Variants in SPIN1 observed in about 807,000 individuals in gnomAD.
SPIN1 encodes spindlin-1.
Under a neutral mutation model 26.0 loss-of-function variants are expected in SPIN1, and 3 were observed. The observed-to-expected ratio is 0.12, with a 90% CI of 0.05 to 0.30. The LOEUF (loss-of-function observed/expected upper bound fraction) is 0.30, where lower values mean the gene tolerates loss of function less well. SPIN1 is among the 10% of genes least tolerant of loss of function. SPIN1 has a pLI of 1.00. For missense variants in SPIN1, 126 were observed against 333.4 expected (o/e 0.38, Z 4.84); for synonymous variants, 101 against 116.5 (o/e 0.87, Z 0.86).
At chr9:88,429,312 C>T (rs1827819609) in intron 2 of SPIN1, among the ~76,000 whole-genome samples, 1 of 152,140 alleles carries the variant, frequency 6.6e-6, no homozygotes, top group East Asian at 1.9e-4. Context: ...ATACTGTCCA[C>T]CTAGAGACAG....
chr9:88,411,264 C>T (rs1170819322), intron 1 of SPIN1: 10 of 1,160,490 alleles, frequency 8.6e-6, no homozygotes, highest in Non-Finnish European at 1.3e-6. Flanking sequence ...GCATCCTCCA[C>T]CTCCACAGTG....
intron 1 of SPIN1, among the ~76,000 whole-genome samples, chr9:88,417,093 GGTT>G (rs1164618225): frequency 1.3e-5 from 2 of 152,170 alleles, no homozygotes; most frequent in African/African-American, 4.8e-5. Flanking sequence ...GTTAAAGTAA[GGTT>G]GTTATTCTTT....
At chr9:88,454,160 G>C (rs1376249221) in intron 3 of SPIN1, among the ~76,000 whole-genome samples, 2 of 152,106 alleles carry the variant, frequency 1.3e-5, no homozygotes, top group Admixed American at 1.3e-4. Flanking sequence ...TTACAGTATT[G>C]CTCTGTGAGG....
rs1358146798 is a variant in SPIN1 at position 88,475,079 on chromosome 9, T to C, written c.591T>C (p.Asn197=). The change falls in exon 6 of 6, where the codon AAT becomes AAC. Residue 197 remains asparagine, a splice_region_variant and synonymous_variant. Transcript: ENST00000375859. ...EGDLRIMPDS[N]DSPPAEREPG... is the part of the protein sequence containing the mutation. ...TTTTTTTTTTTTTTTTTAATATAGA[T>C]GATTCACCTCCAGCAGAAAGGGAAC... The C allele has an allele frequency of 6.6e-7, 1 of 1,513,236 alleles. No homozygotes were observed. Among genetic ancestry groups the C allele is most frequent in the Non-Finnish European group, 8.9e-7 (1 of 1,121,928 alleles). The allele number at this position is 1,513,236 out of a possible 1,614,324, so 93.7% of individuals were successfully genotyped here.
rs1228708121 is a variant in SPIN1, at chr9:88,477,460, A to G, written c.*2183A>G. 6.6e-6 allele frequency: 1 copy of G among 152,236 alleles called. No homozygotes were observed. The highest frequency in any genetic ancestry group is 2.4e-5 in the African/African-American group (1 of 41,458). 9.4% of individuals were successfully genotyped at this position (152,236 alleles called of 1,614,324 possible). A position where few individuals can be genotyped will look rare whatever the true frequency, so the allele number is the denominator to read the frequency against. On this transcript the variant is annotated 3_prime_UTR_variant, in exon 6 of 6. Transcript: ENST00000375859. ...GGTCTCCCAGTTTCTAGATGAATGC[A>G]ACATGATGATGGTGATGATGACGAT...
At chr9:88,390,558 T>G (rs1826897543) in intron 1 of SPIN1, among the ~76,000 whole-genome samples, 1 of 152,250 alleles carries the variant, frequency 6.6e-6, no homozygotes, top group Non-Finnish European at 1.5e-5. Flanking sequence ...TCCTTTAAAA[T>G]ATTTGCTGAG....
intron 2 of SPIN1, among the ~76,000 whole-genome samples, chr9:88,446,467 C>T (rs1237292106): frequency 6.8e-6 from 1 of 146,262 alleles, no homozygotes; most frequent in Non-Finnish European, 1.5e-5. Flanking sequence ...AGTGCAGTAA[C>T]ACAATCTCGG....
intron 5 of SPIN1, among the ~76,000 whole-genome samples, chr9:88,471,550 G>A (rs1471342810): frequency 6.7e-6 from 1 of 149,364 alleles, no homozygotes; most frequent in African/African-American, 2.5e-5. Context: ...AGCTACTCGG[G>A]AGGCTGAGGC....
rs557878495 is a variant in SPIN1, at chr9:88,433,410, A to C, written c.52+6819A>C. 5.3e-5 allele frequency among the ~76,000 whole-genome samples: 8 copies of C among 152,020 alleles called. No individual in the cohort carries two copies. The South Asian group carries it at 1.7e-3, about 32-fold the overall frequency. On this transcript the variant is annotated intron_variant, in intron 2 of 5. Coordinates refer to ENST00000375859, the MANE Select transcript of SPIN1 (RefSeq NM_006717.3). Reference sequence around the variant, plus strand: ...AAATTGCTTTTTAAATAGCCTTTCTAGTGTTAGCCTTGTTGCTGACGAGTT... The same window carrying C: ...AAATTGCTTTTTAAATAGCCTTTCTCGTGTTAGCCTTGTTGCTGACGAGTT...
chr9:88,468,918 C>T (rs553023265), intron 5 of SPIN1, among the ~76,000 whole-genome samples: 1 of 152,130 alleles, frequency 6.6e-6, no homozygotes, highest in Non-Finnish European at 1.5e-5. Flanking sequence ...AAATACGTCC[C>T]CGTGTACCCT....
At chr9:88,451,710 C>T (rs558277967) in intron 3 of SPIN1, among the ~76,000 whole-genome samples, 8 of 152,172 alleles carry the variant, frequency 5.3e-5, no homozygotes, top group Middle Eastern at 3.4e-3. Context: ...ACAGGCGTGC[C>T]GCAGCACGCC....
intron 2 of SPIN1, among the ~76,000 whole-genome samples, chr9:88,436,149 G>A (rs1827994451): frequency 1.3e-5 from 2 of 152,222 alleles, no homozygotes; most frequent in South Asian, 4.2e-4. Context: ...TGCCCAGGCT[G>A]GACTTCAGTT....
At chr9:88,468,183 T>A (rs1313398093) in intron 4 of SPIN1, among the ~76,000 whole-genome samples, 189 bp from the exon 5 acceptor site, 3 of 152,198 alleles carry the variant, frequency 2.0e-5, no homozygotes, top group Admixed American at 2.0e-4. Flanking sequence ...GTTGAATCCA[T>A]CTCTGAGCTG....
intron 1 of SPIN1, among the ~76,000 whole-genome samples, chr9:88,420,283 G>A (rs1010341413): frequency 1.3e-5 from 2 of 152,228 alleles, no homozygotes; most frequent in African/African-American, 4.8e-5. Context: ...GCTTAGGCAG[G>A]AGAATAACTT....
chr9:88,416,679 A>G (rs926473958), intron 1 of SPIN1: 1 of 152,226 alleles, frequency 6.6e-6, no homozygotes, highest in African/African-American at 2.4e-5. Context: ...GCTGGAGTGT[A>G]GTAGCATGAT....
At chr9:88,414,989 C>G (rs868014376) in intron 1 of SPIN1, among the ~76,000 whole-genome samples, 2 of 152,078 alleles carry the variant, frequency 1.3e-5, no homozygotes, top group Middle Eastern at 3.4e-3. Flanking sequence ...CTGCAACCTC[C>G]ACCTCCTGGG....
rs1286312961 is a variant in SPIN1 at position 88,455,301 on chromosome 9, A to G, written c.101+6312A>G. ...TCAACATGATATCTCCACTAAAAAT[A>G]CAAAACTAGCCAGGCGTGGTGGCAC... On this transcript the variant is annotated intron_variant, in intron 3 of 5. Transcript: ENST00000375859. 4.6e-5 allele frequency among the ~76,000 whole-genome samples: 7 copies of G among 152,272 alleles called. No individual in the cohort carries two copies. In the East Asian group the frequency reaches 5.8e-4, roughly 13 times the overall value.
Position 88,477,560 on chromosome 9 carries a change from T to A in SPIN1, c.*2283T>A, listed in dbSNP as rs1828910241. On this transcript the variant is annotated 3_prime_UTR_variant, in exon 6 of 6. Transcript: ENST00000375859. Reference sequence around the variant, plus strand: ...GGTTTGTTTTTTTTTCTCCCCATTTTCCCCCATTCTGTCTTTCTTTTGGTG... The same window carrying A: ...GGTTTGTTTTTTTTTCTCCCCATTTACCCCCATTCTGTCTTTCTTTTGGTG... 1 of 152,514 alleles carries A rather than the reference T, an allele frequency of 6.6e-6. No individual in the cohort carries two copies. The highest frequency in any genetic ancestry group is 1.9e-4 in the East Asian group (1 of 5,188). 9.4% of individuals were successfully genotyped at this position (152,514 alleles called of 1,614,324 possible).
intron 1 of SPIN1, among the ~76,000 whole-genome samples, chr9:88,408,675 CTTTT>C (rs773420022): frequency 7.8e-6 from 1 of 128,852 alleles, no homozygotes; most frequent in African/African-American, 2.8e-5. Context: ...ATGCCTGGCC[CTTTT>C]TTTTTTTTTT....
Sources: allele counts gnomAD v4.1 joint callset (sites outside exome capture counted in the v4.1 genomes callset), GRCh38; gene constraint gnomAD v4.1.1; transcripts MANE v1.5; gene names NCBI Gene and HGNC (gene_info 2026-07-23, HGNC 2026-07-21).